LEF1: variants seen among roughly 807,000 people sequenced by gnomAD.
LEF1 encodes lymphoid enhancer binding factor 1.
In LEF1, 14 loss-of-function variants were observed where a neutral mutation model predicts 51.2. The observed-to-expected ratio is 0.27, with a 90% CI of 0.18 to 0.43. The LOEUF (loss-of-function observed/expected upper bound fraction) is 0.43. Ranked by LOEUF, LEF1 falls within the 20% of genes least tolerant of loss-of-function variation. The pLI is 1.00. For synonymous variants in LEF1, 185 were observed against 183.2 expected, an observed-to-expected ratio of 1.01 and a Z score of -0.08; for missense variants, 386 against 512.0, an observed-to-expected ratio of 0.75 and a Z score of 2.37.
At chr4:108,050,523 C>T (rs1254079218) in intron 11 of LEF1, among the ~76,000 whole-genome samples, 1 of 152,128 alleles carries the variant, frequency 6.6e-6, no homozygotes, top group Non-Finnish European at 1.5e-5. Context: ...TGCCTTTCTA[C>T]GGAGAAAGAA....
intron 11 of LEF1, among the ~76,000 whole-genome samples, chr4:108,054,605 T>G (rs1299782955): frequency 6.6e-6 from 1 of 152,208 alleles, no homozygotes; most frequent in Non-Finnish European, 1.5e-5. Context: ...CTGTTCCAAC[T>G]TCACACGACA....
intron 3 of LEF1, among the ~76,000 whole-genome samples, chr4:108,129,316 C>A (rs1742726310): frequency 6.6e-6 from 1 of 152,158 alleles, no homozygotes; most frequent in South Asian, 2.1e-4. Flanking sequence ...TTTCCATTCC[C>A]AAGAACCAGT....
At chr4:108,096,188 G>C (rs755083905) in intron 3 of LEF1, among the ~76,000 whole-genome samples, 2 of 152,088 alleles carry the variant, frequency 1.3e-5, no homozygotes, top group African/African-American at 2.4e-5. Flanking sequence ...TAGAGGGATG[G>C]GGCATAAGTA....
In LEF1 at chr4:108,168,255, G is replaced by A. The variant is rs1745544466; in HGVS notation, c.-488C>T. 6.6e-6 allele frequency: 1 copy of A among 152,494 alleles called. No homozygotes were observed. Among genetic ancestry groups the A allele is most frequent in the Non-Finnish European group, 1.5e-5 (1 of 68,276 alleles). 9.4% of individuals were successfully genotyped at this position (152,494 alleles called of 1,614,324 possible). ...TGTAGTTACCCCGGATGCCGACTTAGTAGTTTGTTTTCCGAGAAAAGAGAG... is the reference window on the plus strand; with the variant it reads ...TGTAGTTACCCCGGATGCCGACTTAATAGTTTGTTTTCCGAGAAAAGAGAG... On this transcript the variant is annotated 5_prime_UTR_variant, in exon 1 of 12. Transcript: ENST00000265165. This position sits in a 1 kb window ranked among gnomAD's most constrained non-coding sequence, Gnocchi z 4.6.
intron 11 of LEF1, among the ~76,000 whole-genome samples, chr4:108,060,493 C>G (rs929486384): frequency 6.6e-5 from 10 of 152,086 alleles, no homozygotes; most frequent in African/African-American, 2.2e-4. Context: ...TATACAAGAG[C>G]TAACCTGGGA....
Position 108,060,316 on chromosome 4 carries a change from C to T in LEF1, c.*6+3307G>A, listed in dbSNP as rs141373558. 1.7e-3 allele frequency among the ~76,000 whole-genome samples: 266 copies of T among 152,086 alleles called. 1 individual carries two copies. The highest frequency in any genetic ancestry group is 3.3e-3 in the Admixed American group (51 of 15,292). On this transcript the variant is annotated intron_variant, in intron 11 of 11. Coordinates refer to ENST00000265165, the MANE Select transcript of LEF1 (RefSeq NM_016269.5). ...GGAAATAAAAAAAGAGATCTGAGTC[C>T]CTATAATAACACTGGGAGGCAGTGC... is the stretch of plus-strand genomic sequence containing the variant.
chr4:108,063,801 G>A (rs1165765039), intron 10 of LEF1, 138 bp from the exon 11 acceptor site: 1 of 595,118 alleles, frequency 1.7e-6, no homozygotes, highest in Admixed American at 3.4e-5. Flanking sequence ...TATTTGTGCA[G>A]TACAAGTAGT....
In LEF1 at chr4:108,155,949, C is replaced by A. The variant is rs546865713; in HGVS notation, c.414+7619G>T. ...ACACAATGGCCTAGAAAAGTCAGCA[C>A]TGAGGCTGCCATGTGTATTTGAAAA... On this transcript the variant is annotated intron_variant, in intron 3 of 11. Transcript: ENST00000265165. 7.9e-5 allele frequency among the ~76,000 whole-genome samples: 12 copies of A among 152,234 alleles called. No individual in the cohort carries two copies. The East Asian group carries it at 2.1e-3, about 27-fold the overall frequency.
intron 3 of LEF1, among the ~76,000 whole-genome samples, chr4:108,108,680 C>T (rs1208744522): frequency 6.6e-6 from 1 of 152,166 alleles, no homozygotes; most frequent in Non-Finnish European, 1.5e-5. Flanking sequence ...CAGGATCACT[C>T]AAGAAACCAA....
intron 3 of LEF1, among the ~76,000 whole-genome samples, chr4:108,099,296 G>A (rs1440668533): frequency 1.3e-5 from 2 of 151,768 alleles, no homozygotes; most frequent in Non-Finnish European, 2.9e-5. Flanking sequence ...TTAAAAATTT[G>A]TAGGTGGGAC....
chr4:108,137,125 G>A (rs571240036), intron 3 of LEF1, among the ~76,000 whole-genome samples: 20 of 152,246 alleles, frequency 1.3e-4, no homozygotes, highest in African/African-American at 4.3e-4. Context: ...TTGAAGCTAC[G>A]AAGAATAGTT....
chr4:108,079,757 A>C (rs954097944), intron 6 of LEF1, 143 bp from the exon 7 acceptor site: 5 of 705,812 alleles, frequency 7.1e-6, no homozygotes, highest in Non-Finnish European at 6.8e-6. Flanking sequence ...TATAAATTAG[A>C]GTGGGCCGAT....
rs1007208937 is a variant in LEF1, at chr4:108,165,103, C to T, written c.274G>A (p.Asp92Asn). The change falls in exon 2 of 12, where the codon GAT (aspartate) becomes AAT (asparagine). Residue 92 changes from aspartate (D) to asparagine (N), a missense_variant. By Grantham distance (23) the Asp-to-Asn change is conservative. Around this residue, in one of 2 missense-constraint regions of LEF1, gnomAD observed 335 missense variants for 390.7 expected, o/e 0.86. Transcript: ENST00000265165. ...AGTAGAATGGGTGTCTTACCGTCAT[C>T]GGGGTGTTCTCTGGCCTTGTCGTGG... is the stretch of plus-strand genomic sequence containing the variant. ...PYHDKAREHPDDGKHPDGGLY... is the reference protein window; with the variant it reads ...PYHDKAREHPNDGKHPDGGLY... 5.0e-6 allele frequency: 8 copies of T among 1,613,854 alleles called. No homozygotes were observed. The highest frequency in any genetic ancestry group is 1.3e-5 in the African/African-American group (1 of 74,906).
intron 4 of LEF1, among the ~76,000 whole-genome samples, chr4:108,083,988 T>A (rs1739481568): frequency 1.3e-5 from 2 of 152,204 alleles, no homozygotes; most frequent in African/African-American, 4.8e-5. Flanking sequence ...ATATGATTCA[T>A]TTGGTCTCTG....
chr4:108,150,714 T>C (rs1380014538), intron 3 of LEF1, among the ~76,000 whole-genome samples: 2 of 152,168 alleles, frequency 1.3e-5, no homozygotes, highest in East Asian at 1.9e-4. Flanking sequence ...TAAACTCTGG[T>C]TGGGACTATG....
At chr4:108,096,341 T>C (rs1451026546) in intron 3 of LEF1, among the ~76,000 whole-genome samples, 4 of 152,110 alleles carry the variant, frequency 2.6e-5, no homozygotes, top group Admixed American at 6.6e-5. Context: ...AAGGATTCTA[T>C]GGGGTATGGA....
At chr4:108,066,643 A>T (rs1303083230) in intron 9 of LEF1, among the ~76,000 whole-genome samples, 1 of 152,252 alleles carries the variant, frequency 6.6e-6, no homozygotes, top group Non-Finnish European at 1.5e-5. Flanking sequence ...GATATCAACC[A>T]GTTCTTCAAG....
chr4:108,135,635 G>A (rs17038630), intron 3 of LEF1, among the ~76,000 whole-genome samples: 4 of 152,050 alleles, frequency 2.6e-5, no homozygotes, highest in Non-Finnish European at 4.4e-5. Context: ...AGGCAACAAC[G>A]CCCTGCTTTG....
intron 3 of LEF1, among the ~76,000 whole-genome samples, chr4:108,091,585 G>A (rs1323039724): frequency 2.6e-5 from 4 of 151,296 alleles, no homozygotes; most frequent in African/African-American, 7.3e-5. Flanking sequence ...CTTTTTTGGC[G>A]TATATTAAAT....
Sources: allele counts gnomAD v4.1 joint callset (sites outside exome capture counted in the v4.1 genomes callset), GRCh38; gene constraint gnomAD v4.1.1; regional missense constraint gnomAD v4.1.1; non-coding constraint Gnocchi (gnomAD v3.1); transcripts MANE v1.5; gene names NCBI Gene and HGNC (gene_info 2026-07-23, HGNC 2026-07-21).